Variants in ZNF418 observed in about 807,000 individuals in gnomAD.
ZNF418 encodes the protein zinc finger protein 418.
Under a neutral mutation model 32.0 loss-of-function variants are expected in ZNF418, and 32 were observed. The observed-to-expected ratio is 1.00, with a 90% CI of 0.75 to 1.34. ZNF418 has a LOEUF of 1.34. ZNF418 is among the 40% of genes most tolerant of loss of function. The pLI, the probability that ZNF418 is intolerant of heterozygous loss-of-function variation, is 0.00. For missense variants in ZNF418, 804 were observed against 812.5 expected (o/e 0.99, Z 0.13); for synonymous variants, 276 against 270.7 (o/e 1.02, Z -0.19).
chr19:57,930,337 C>G, intron 3 of ZNF418, 91 bp downstream of exon 3: 1 of 1,594,032 alleles, frequency 6.3e-7, no homozygotes, highest in Non-Finnish European at 8.6e-7. Context: ...TGCCCATGGT[C>G]CTGACATGAT....
rs1224803733 is a variant in ZNF418, at chr19:57,925,944, C to G, written c.*206G>C. The G allele has an allele frequency of 1.8e-6, 1 of 570,108 alleles. No homozygotes were observed. Among genetic ancestry groups the G allele is most frequent in the Non-Finnish European group, 3.1e-6 (1 of 322,168 alleles). The allele number at this position is 570,108 out of a possible 1,614,324, so 35.3% of individuals were successfully genotyped here. On this transcript the variant is annotated 3_prime_UTR_variant, in exon 4 of 6. Transcript: ENST00000396147. ...TTTCCTTATGAGAACAATCTGTTATCCAATGACAGAAGGCAGAAGGCTTTC... is the reference window on the plus strand; with the variant it reads ...TTTCCTTATGAGAACAATCTGTTATGCAATGACAGAAGGCAGAAGGCTTTC...
At chr19:57,930,389 G>C in intron 3 of ZNF418, 39 bp downstream of exon 3, 1 of 1,613,574 alleles carries the variant, frequency 6.2e-7, no homozygotes, top group East Asian at 2.2e-5. Context: ...GAAGGGCAGA[G>C]ATCTATTCAG....
chr19:57,932,821 C>T (rs145970109), intron 2 of ZNF418, among the ~76,000 whole-genome samples: 2 of 152,190 alleles, frequency 1.3e-5, no homozygotes, highest in Non-Finnish European at 2.9e-5. Context: ...GGTGAGTCCA[C>T]AGAGTGGTGA....
Position 57,927,398 on chromosome 19 carries a change from T to C in ZNF418, c.783A>G (p.Gly261=), listed in dbSNP as rs1361725591. 1 of 1,613,776 alleles carries C rather than the reference T, an allele frequency of 6.2e-7. No individual in the cohort carries two copies. The highest frequency in any genetic ancestry group is 1.3e-5 in the African/African-American group (1 of 74,754). The change falls in exon 4 of 6, where the codon GGA becomes GGG. Residue 261 remains glycine, a synonymous_variant. Coordinates refer to ENST00000396147, the MANE Select transcript of ZNF418 (RefSeq NM_133460.3). ...VHTGKRPYEC[G]ECGKSFSHKG... ...TATGACTAAAAGATTTCCCACATTC[T>C]CCACATTCATAAGGTCTTTTCCCAG...
At position 57,925,904 on chromosome 19, in the gene ZNF418, G is replaced by C; in HGVS notation, c.*246C>G. ...TGTTTTACAAGAAATAATATTTCCT[G>C]TACGTGTACAGTGTTTTCCTTATGA... On this transcript the variant is annotated 3_prime_UTR_variant, in exon 4 of 6. Transcript: ENST00000396147. 4.0e-6 allele frequency: 2 copies of C among 502,884 alleles called. No homozygotes were observed. The highest frequency in any genetic ancestry group is 7.0e-6 in the Non-Finnish European group (2 of 284,732). The allele number at this position is 502,884 out of a possible 1,614,324, so 31.2% of individuals were successfully genotyped here.
chr19:57,934,508 GC>G (rs140548827), intron 1 of ZNF418, among the ~76,000 whole-genome samples: 8,191 of 152,238 alleles, frequency 0.054, 313 homozygotes, highest in Middle Eastern at 0.078. Flanking sequence ...GAGCCACCTT[GC>G]CCGACCCCCT....
In ZNF418 at chr19:57,926,222, T is replaced by C. The variant is rs1384541069; in HGVS notation, c.1959A>G (p.Gly653=). Residue 653 remains glycine (G), a synonymous_variant, in exon 4 of 6, where the codon GGA becomes GGG. Coordinates refer to ENST00000396147, the MANE Select transcript of ZNF418 (RefSeq NM_133460.3). The stretch of plus-strand genomic sequence containing the variant: ...GAGAAGAGCTTCGATGAAATGATTT[T>C]CCACATTCACTGCACTCATAAGGCC... The part of the protein sequence containing the change: ...GERPYECSEC[G]KSFHRSSSLL... The C allele has an allele frequency of 1.2e-6, 2 of 1,614,098 alleles. No individual in the cohort carries two copies. The highest frequency in any genetic ancestry group is 1.3e-5 in the African/African-American group (1 of 75,036).
At chr19:57,932,198 AT>A (rs1295516999) in intron 2 of ZNF418, among the ~76,000 whole-genome samples, 2 of 152,236 alleles carry the variant, frequency 1.3e-5, no homozygotes, top group African/African-American at 4.8e-5. Context: ...ACAAAGTATA[AT>A]AACCAGAAAC....
chr19:57,924,091 T>C (rs901062692), intron 4 of ZNF418, among the ~76,000 whole-genome samples: 3 of 151,482 alleles, frequency 2.0e-5, no homozygotes, highest in African/African-American at 7.3e-5. Flanking sequence ...CAGTGAACTA[T>C]GATCTCGCCA....
chr19:57,926,838 T>C lies in ZNF418; in HGVS notation c.1343A>G (p.His448Arg). The change falls in exon 4 of 6, where the codon CAC becomes CGC. Residue 448 changes from histidine to arginine, a missense_variant. Coordinates refer to ENST00000396147, the MANE Select transcript of ZNF418 (RefSeq NM_133460.3). ...KGNLIQHQRS[H>R]TGERPYECRE... is the part of the protein sequence containing the mutation. ...ACACTCATAAGGCCTTTCTCCAGTG[T>C]GGCTTCGCTGATGCTGAATGAGGTT... 1 of 1,614,224 alleles carries C rather than the reference T, an allele frequency of 6.2e-7. No homozygotes were observed. The highest frequency in any genetic ancestry group is 8.5e-7 in the Non-Finnish European group (1 of 1,180,040).
chr19:57,929,218 G>C (rs1215881424), intron 3 of ZNF418, among the ~76,000 whole-genome samples: 4 of 152,164 alleles, frequency 2.6e-5, no homozygotes, highest in African/African-American at 9.7e-5. Context: ...GAAAGGAAAA[G>C]ACAGAAACAG....
chr19:57,929,382 C>T (rs893525258), intron 3 of ZNF418, among the ~76,000 whole-genome samples: 7 of 152,250 alleles, frequency 4.6e-5, no homozygotes, highest in Admixed American at 1.3e-4. Context: ...ACTGCCTCTT[C>T]TGCAGCACTG....
In ZNF418 at chr19:57,926,549, T is replaced by A. The variant is rs151171553; in HGVS notation, c.1632A>T (p.Gly544=). The A allele has an allele frequency of 1.2e-6, 2 of 1,613,902 alleles. No homozygotes were observed. Among genetic ancestry groups the A allele is most frequent in the Non-Finnish European group, 1.7e-6 (2 of 1,179,988 alleles). ...GGGAAGAGCTCTGATGAAATGACTT[T>A]CCACATTCTCCACATTCATAAGGCC... is the stretch of plus-strand genomic sequence containing the variant. ...GERPYECGEC[G]KSFHQSSSLL... The change falls in exon 4 of 6, where the codon GGA becomes GGT. Residue 544 remains glycine, a synonymous_variant. Coordinates refer to ENST00000396147, the MANE Select transcript of ZNF418 (RefSeq NM_133460.3).
chr19:57,922,285 A>C lies in ZNF418; in HGVS notation c.*970T>G, dbSNP rs78621309. 476 of 288,640 alleles carry C rather than the reference A, an allele frequency of 1.6e-3. 2 individuals are homozygous for C. Among genetic ancestry groups the C allele is most frequent in the African/African-American group, 9.7e-3 (449 of 46,250 alleles). 17.9% of individuals were successfully genotyped at this position (288,640 alleles called of 1,614,324 possible). ...GTACATGACGAGATGGGCTTTTATT[A>C]ACCTCTTTGTTAGTTTCATCAATCG... On this transcript the variant is annotated 3_prime_UTR_variant, in exon 6 of 6. Transcript: ENST00000396147.
intron 3 of ZNF418, among the ~76,000 whole-genome samples, chr19:57,929,746 G>C (rs887815997): frequency 1.3e-5 from 2 of 151,202 alleles, no homozygotes; most frequent in African/African-American, 2.4e-5. Flanking sequence ...GCAGTGGTGC[G>C]ATCTCAGCTC....
intron 3 of ZNF418, among the ~76,000 whole-genome samples, chr19:57,929,278 G>A (rs570808588): frequency 6.6e-6 from 1 of 152,200 alleles, no homozygotes; most frequent in Non-Finnish European, 1.5e-5. Context: ...TTTCTGATAC[G>A]ATTTGAAGAA....
Position 57,926,947 on chromosome 19 carries a change from G to A in ZNF418, c.1234C>T (p.His412Tyr), listed in dbSNP as rs376940367. The A allele has an allele frequency of 5.1e-5, 82 of 1,609,540 alleles. No individual in the cohort carries two copies. Among genetic ancestry groups the A allele is most frequent in the Non-Finnish European group, 6.4e-5 (76 of 1,178,692 alleles). ...ECGKSFSRKG[H>Y]LRNHQRGHTG... ...TGACCTCGCTGATGGTTCCTAAGGT[G>A]TCCCTTTCGACTAAAAGATTTCCCA... Residue 412 changes from histidine (H) to tyrosine (Y), a missense_variant, in exon 4 of 6, where the codon CAC becomes TAC. Around this residue, in one of 3 missense-constraint regions of ZNF418, gnomAD observed 475 missense variants for 458.6 expected, o/e 1.04. Transcript: ENST00000396147.
intron 3 of ZNF418, 87 bp downstream of exon 3, chr19:57,930,341 A>C: frequency 6.3e-7 from 1 of 1,598,700 alleles, no homozygotes; most frequent in Non-Finnish European, 8.6e-7. Flanking sequence ...CATGGTCCTG[A>C]CATGATAAAA....
At chr19:57,933,118 T>C (rs1431945690) in intron 2 of ZNF418, among the ~76,000 whole-genome samples, 2 of 152,160 alleles carry the variant, frequency 1.3e-5, no homozygotes, top group Non-Finnish European at 2.9e-5. Flanking sequence ...GGCTAAACTA[T>C]CTCAGACTCT....
Sources: gnomAD v4.1 joint callset for allele counts (sites outside exome capture counted in the v4.1 genomes callset) on GRCh38, gnomAD v4.1.1 for gene constraint, gnomAD v4.1.1 regional missense constraint, MANE v1.5 for transcripts, NCBI Gene and HGNC (gene_info 2026-07-23, HGNC 2026-07-21) for gene names.